Variants in FAM149A observed in about 807,000 individuals in gnomAD.
FAM149A encodes family with sequence similarity 149 member A.
In FAM149A, 71 loss-of-function variants were observed where a neutral mutation model predicts 78.2. The observed-to-expected ratio is 0.91, with a 90% confidence interval of 0.75 to 1.11. FAM149A has a LOEUF of 1.11. Among genes scored for constraint, FAM149A ranks in the 50% least tolerant of loss-of-function variants. FAM149A has a pLI of 0.00. For synonymous variants in FAM149A, 446 were observed against 410.5 expected, an observed-to-expected ratio of 1.09 and a Z score of -1.04; for missense variants, 1,036 against 971.0, an observed-to-expected ratio of 1.07 and a Z score of -0.89.
chr4:186,139,497 G>A (rs994768972), intron 1 of FAM149A, among the ~76,000 whole-genome samples: 2 of 152,182 alleles, frequency 1.3e-5, no homozygotes, highest in Non-Finnish European at 2.9e-5. Flanking sequence ...TTTTGGCCAT[G>A]TGAAGACACA....
rs1039023292 is a variant in FAM149A, at chr4:186,149,660, G to A, written c.745G>A (p.Gly249Ser). Residue 249 changes from glycine to serine, a missense_variant, in exon 3 of 14, where the codon GGC (glycine) becomes AGC (serine). This residue lies in a region of FAM149A where 716 missense variants were observed against 711.8 expected (regional missense o/e 1.01). Coordinates refer to ENST00000389354, the MANE Select transcript of FAM149A (RefSeq NM_001367768.3). ...GTCGGCCACACAGAGCTCTACCACC[G>A]GCTCATCCACGGAGAGGGGCTCCGT... 6.2e-6 allele frequency: 8 copies of A among 1,289,566 alleles called. No homozygotes were observed. The highest frequency in any genetic ancestry group is 1.5e-5 in the African/African-American group (1 of 65,810). The allele number at this position is 1,289,566 out of a possible 1,614,324, so 79.9% of individuals were successfully genotyped here.
In FAM149A at chr4:186,138,240, A is replaced by AGT. The variant is rs1246883479; in HGVS notation, c.567-10931_567-10930dup. Among the ~76,000 whole-genome samples the AGT allele has an allele frequency of 5.2e-5, 6 of 116,104 alleles. No individual in the cohort carries two copies. The East Asian group carries it at 1.1e-3, about 21-fold the overall frequency. 76.2% of individuals were successfully genotyped at this position (116,104 alleles called of 152,430 possible). On this transcript the variant is annotated intron_variant, in intron 1 of 13. Coordinates refer to ENST00000389354, the MANE Select transcript of FAM149A (RefSeq NM_001367768.3). ...GCAGATCAGACAGGATGAGTTAGTG[A>AGT]GTGAGTGTGTGTGTGTGTGTGTTTG...
chr4:186,138,288 T>C (rs541028564), intron 1 of FAM149A, among the ~76,000 whole-genome samples: 44 of 152,024 alleles, frequency 2.9e-4, no homozygotes, highest in African/African-American at 1.0e-3. Flanking sequence ...GGGAGAGAGA[T>C]TTTTTAAAAA....
rs927212791 is a variant in FAM149A at position 186,127,669 on chromosome 4, T to C, written c.567-21504T>C. ...AAGGGAATGTGTGTGAAAGAGGTAG[T>C]CTGAAATATTCTGGTGGTTTTTGTT... On this transcript the variant is annotated intron_variant, in intron 1 of 13. Coordinates refer to ENST00000389354, the MANE Select transcript of FAM149A (RefSeq NM_001367768.3). 12 of 985,162 alleles carry C rather than the reference T, an allele frequency of 1.2e-5. No homozygotes were observed. The African/African-American group carries it at 1.9e-4, about 16-fold the overall frequency. The allele number at this position is 985,162 out of a possible 1,614,324, so 61.0% of individuals were successfully genotyped here.
chr4:186,143,608 C>A (rs1449355560), intron 1 of FAM149A, among the ~76,000 whole-genome samples: 2 of 151,976 alleles, frequency 1.3e-5, no homozygotes, highest in Non-Finnish European at 2.9e-5. Flanking sequence ...GTGGGTGGGG[C>A]GATCTCCGCC....
chr4:186,160,480 A>G (rs1734493475), intron 8 of FAM149A, among the ~76,000 whole-genome samples: 1 of 148,758 alleles, frequency 6.7e-6, no homozygotes, highest in Admixed American at 6.7e-5. Context: ...CACCACACAC[A>G]CACCACACAC....
rs1190021392 is a variant in FAM149A at position 186,105,050 on chromosome 4, C to T, written c.-27C>T. 10 of 1,264,786 alleles carry T rather than the reference C, an allele frequency of 7.9e-6. No individual in the cohort carries two copies. The highest frequency in any genetic ancestry group is 4.8e-5 in the African/African-American group (3 of 62,300). 78.3% of individuals were successfully genotyped at this position (1,264,786 alleles called of 1,614,324 possible). A position where few individuals can be genotyped will look rare whatever the true frequency, so the allele number is the denominator to read the frequency against. On this transcript the variant is annotated 5_prime_UTR_variant, in exon 1 of 14. Coordinates refer to ENST00000389354, the MANE Select transcript of FAM149A (RefSeq NM_001367768.3). ...CGCGGTCTGAACTCTCGGGCGGCGGCGAGGACGGCGTGTCCACTGTCGAGG... is the reference window on the plus strand; with the variant it reads ...CGCGGTCTGAACTCTCGGGCGGCGGTGAGGACGGCGTGTCCACTGTCGAGG...
intron 3 of FAM149A, among the ~76,000 whole-genome samples, chr4:186,150,413 CTTTTTTTTTTT>C (rs750482571): frequency 1.2e-5 from 1 of 84,284 alleles, no homozygotes. Context: ...CTCTCTGTCT[CTTTTTTTTTTT>C]TTTTTTTTTT....
At chr4:186,157,450 G>A (rs1014617280) in intron 7 of FAM149A, 115 bp from the exon 8 acceptor site, 15 of 1,056,932 alleles carry the variant, frequency 1.4e-5, no homozygotes, top group South Asian at 9.1e-5. Flanking sequence ...TGGAGTGGCC[G>A]TAGCATGGGC....
intron 1 of FAM149A, among the ~76,000 whole-genome samples, chr4:186,128,031 C>A (rs2099319141): frequency 1.3e-5 from 1 of 76,000 alleles, no homozygotes; most frequent in East Asian, 4.5e-4. Flanking sequence ...ACTTTTGTTG[C>A]CCAGGCTGGA....
Position 186,144,863 on chromosome 4 carries a change from G to T in FAM149A, c.567-4310G>T, listed in dbSNP as rs1426864127. The T allele has an allele frequency of 4.1e-6, 4 of 979,726 alleles. No homozygotes were observed. In the African/African-American group the frequency reaches 7.1e-5, roughly 17 times the overall value. The allele number at this position is 979,726 out of a possible 1,614,324, so 60.7% of individuals were successfully genotyped here. A position where few individuals can be genotyped will look rare whatever the true frequency, so the allele number is the denominator to read the frequency against. ...GGGGCGGAGGATCTGGAGAGGGAAG[G>T]GGCGTGCGAGCCCCGCGGACCCCGG... On this transcript the variant is annotated intron_variant, in intron 1 of 13. Coordinates refer to ENST00000389354, the MANE Select transcript of FAM149A (RefSeq NM_001367768.3). The surrounding 1 kb of genome is among the most constrained non-coding windows in gnomAD (Gnocchi z 4.2).
rs186157034 is a variant in FAM149A, at chr4:186,175,110, A to G, written c.*3123A>G. ...AACTGCTAGATTTTGTGAATTTAAT[A>G]TAAAAGGAAGTATCCATATTGATAT... On this transcript the variant is annotated 3_prime_UTR_variant, in exon 14 of 14. Transcript: ENST00000389354. 3.0e-3 allele frequency among the ~76,000 whole-genome samples: 332 copies of G among 111,748 alleles called. 70 individuals carry two copies. Among genetic ancestry groups the G allele is most frequent in the African/African-American group, 9.0e-3 (325 of 36,052 alleles). The allele number at this position is 111,748 out of a possible 152,430, so 73.3% of individuals were successfully genotyped here. A position where few individuals can be genotyped will look rare whatever the true frequency, so the allele number is the denominator to read the frequency against.
At chr4:186,168,765 T>C (rs1427952434) in intron 13 of FAM149A, among the ~76,000 whole-genome samples, 2 of 152,190 alleles carry the variant, frequency 1.3e-5, no homozygotes, top group African/African-American at 4.8e-5. Context: ...CCAAGGTCTA[T>C]GCCAAAGGCT....
chr4:186,124,401 A>G (rs1273108633), intron 1 of FAM149A, among the ~76,000 whole-genome samples: 3 of 150,926 alleles, frequency 2.0e-5, no homozygotes, highest in Non-Finnish European at 2.9e-5. Flanking sequence ...TCCTAATGCT[A>G]TCCCTCCCCG....
intron 1 of FAM149A, among the ~76,000 whole-genome samples, chr4:186,106,164 A>G (rs1272239918): frequency 6.6e-6 from 1 of 152,140 alleles, no homozygotes; most frequent in Non-Finnish European, 1.5e-5. Context: ...ATCATCTGAC[A>G]CAAATGGAGT....
chr4:186,158,002 A>G lies in FAM149A; in HGVS notation c.1575+283A>G, dbSNP rs147259400. 2.4e-4 allele frequency: 351 copies of G among 1,479,720 alleles called. 3 individuals are homozygous for G. In the East Asian group the frequency reaches 8.7e-3, roughly 37 times the overall value. The allele number at this position is 1,479,720 out of a possible 1,614,324, so 91.7% of individuals were successfully genotyped here. ...ACCACCCTTGGCTTCCAGATGGAGC[A>G]GTATATCCACAAAAGGACGGACCAG... is the stretch of plus-strand genomic sequence containing the variant. On this transcript the variant is annotated intron_variant, in intron 8 of 13. Coordinates refer to ENST00000389354, the MANE Select transcript of FAM149A (RefSeq NM_001367768.3).
rs1211372619 is a variant in FAM149A, at chr4:186,144,951, G to T, written c.567-4222G>T. The T allele has an allele frequency of 4.4e-6, 4 of 912,114 alleles. No homozygotes were observed. The African/African-American group carries it at 8.8e-5, about 20-fold the overall frequency. 56.5% of individuals were successfully genotyped at this position (912,114 alleles called of 1,614,324 possible). On this transcript the variant is annotated intron_variant, in intron 1 of 13. Coordinates refer to ENST00000389354, the MANE Select transcript of FAM149A (RefSeq NM_001367768.3). The surrounding 1 kb of genome is among the most constrained non-coding windows in gnomAD (Gnocchi z 4.2). ...CGGGCGCGGGCGCGGGCGCGGGCGC[G>T]GGCGCGGGCGGGTGGGGAGCCCCAG... is the stretch of plus-strand genomic sequence containing the variant.
chr4:186,130,263 A>ATCTCTCTCCCTCTCTC (rs2099320024), intron 1 of FAM149A: 1 of 67,098 alleles, frequency 1.5e-5, no homozygotes, highest in East Asian at 6.0e-4. Flanking sequence ...ACTTTATGAA[A>ATCTCTCTCCCTCTCTC]TCTCTCTCTC....
At chr4:186,140,070 C>G (rs765718965) in intron 1 of FAM149A, among the ~76,000 whole-genome samples, 25 of 152,154 alleles carry the variant, frequency 1.6e-4, no homozygotes, top group Non-Finnish European at 3.4e-4. Context: ...AAATTTGTCT[C>G]TAATTCACAC....
Sources: gnomAD v4.1 joint callset for allele counts (sites outside exome capture counted in the v4.1 genomes callset) on GRCh38, gnomAD v4.1.1 for gene constraint, gnomAD v4.1.1 regional missense constraint, Gnocchi (gnomAD v3.1) non-coding constraint, MANE v1.5 for transcripts, NCBI Gene and HGNC (gene_info 2026-07-23, HGNC 2026-07-21) for gene names.